Variants in SGCD observed in about 807,000 individuals in gnomAD.
SGCD encodes sarcoglycan delta, also known as delta-sarcoglycan.
In SGCD, 18 loss-of-function variants were observed where a neutral mutation model predicts 36.6. The observed-to-expected ratio is 0.49, with a 90% confidence interval of 0.34 to 0.73. The LOEUF (loss-of-function observed/expected upper bound fraction) is 0.73, where lower values mean the gene tolerates loss of function less well. Among genes scored for constraint, SGCD ranks in the 30% least tolerant of loss-of-function variants. The pLI is 0.01. For missense variants in SGCD, 387 were observed against 346.7 expected, an observed-to-expected ratio of 1.12 and a Z score of -0.92; for synonymous variants, 133 against 130.6, an observed-to-expected ratio of 1.02 and a Z score of -0.12.
intron 1 of SGCD, among the ~76,000 whole-genome samples, chr5:155,995,621 A>G (rs1042100344): frequency 3.9e-5 from 6 of 152,250 alleles, no homozygotes; most frequent in Non-Finnish European, 8.8e-5. Context: ...AATCAACCCG[A>G]TATCTATCAA....
intron 3 of SGCD, among the ~76,000 whole-genome samples, chr5:156,130,918 G>A (rs1408069467): frequency 6.6e-6 from 1 of 151,926 alleles, no homozygotes; most frequent in African/African-American, 2.4e-5. Context: ...TAGTAGAGAC[G>A]GGGTTTCACC....
intron 3 of SGCD, among the ~76,000 whole-genome samples, chr5:156,294,232 G>T (rs1021371735): frequency 9.3e-5 from 14 of 150,330 alleles, no homozygotes; most frequent in Non-Finnish European, 1.8e-4. Context: ...GAGATTTTTT[G>T]GTGGAATATT....
chr5:155,803,488 T>A, the SGCD span, among the ~76,000 whole-genome samples: 1 of 152,134 alleles, frequency 6.6e-6, no homozygotes. Flanking sequence ...CTCTGACTTC[T>A]CCTATACTCC....
chr5:156,001,480 T>G (rs892236593), intron 1 of SGCD, among the ~76,000 whole-genome samples: 1 of 152,230 alleles, frequency 6.6e-6, no homozygotes, highest in African/African-American at 2.4e-5. Context: ...TGCTCTCACG[T>G]TGTGGATAAC....
intron 3 of SGCD, among the ~76,000 whole-genome samples, chr5:156,124,182 T>C (rs1264999817): frequency 6.6e-6 from 1 of 152,150 alleles, no homozygotes; most frequent in East Asian, 1.9e-4. Context: ...CCATCACTTA[T>C]GGGATGTGTT....
intron 3 of SGCD, among the ~76,000 whole-genome samples, chr5:156,320,863 G>T (rs1767645463): frequency 6.6e-6 from 1 of 152,160 alleles, no homozygotes; most frequent in African/African-American, 2.4e-5. Flanking sequence ...AGATAATTTT[G>T]CCCTTGGCCA....
chr5:156,196,842 T>A (rs143349285), intron 3 of SGCD, among the ~76,000 whole-genome samples: 352 of 152,314 alleles, frequency 2.3e-3, no homozygotes, highest in African/African-American at 8.0e-3. Flanking sequence ...CACACTAAAC[T>A]ATGGCCAGAA....
At chr5:156,514,519 A>G (rs1757077099) in intron 4 of SGCD, among the ~76,000 whole-genome samples, 1 of 152,242 alleles carries the variant, frequency 6.6e-6, no homozygotes, top group African/African-American at 2.4e-5. Flanking sequence ...TTAGGAGAAT[A>G]AAGTGGAAAA....
chr5:156,631,993 T>C (rs774289378), intron 6 of SGCD, among the ~76,000 whole-genome samples: 32 of 152,188 alleles, frequency 2.1e-4, no homozygotes, highest in Admixed American at 5.2e-4. Context: ...TTCTAGTTTT[T>C]TAAAAATTTA....
At chr5:156,261,107 T>C (rs1270553954) in intron 3 of SGCD, among the ~76,000 whole-genome samples, 1 of 152,152 alleles carries the variant, frequency 6.6e-6, no homozygotes, top group Non-Finnish European at 1.5e-5. Context: ...CAAGCTGTGG[T>C]GTCTTTTCTT....
chr5:155,778,239 C>T, the SGCD span, among the ~76,000 whole-genome samples: 8 of 152,176 alleles, frequency 5.3e-5, no homozygotes, highest in Non-Finnish European at 1.2e-4. Flanking sequence ...TTGTGTCTTG[C>T]ATGGCTTAGT....
intron 1 of SGCD, among the ~76,000 whole-genome samples, chr5:156,061,040 T>G (rs1760192897): frequency 6.9e-6 from 1 of 145,586 alleles, no homozygotes; most frequent in African/African-American, 2.5e-5. Flanking sequence ...TATTCATTCC[T>G]GAAAATGGCA....
chr5:156,557,230 T>C (rs995321540), intron 4 of SGCD, among the ~76,000 whole-genome samples: 3 of 152,202 alleles, frequency 2.0e-5, no homozygotes, highest in African/African-American at 7.2e-5. Context: ...CAGCTGAAGA[T>C]GTTGAAGACT....
chr5:156,259,405 A>G (rs1266235313), intron 3 of SGCD, among the ~76,000 whole-genome samples: 8 of 151,762 alleles, frequency 5.3e-5, no homozygotes, highest in South Asian at 4.1e-4. Flanking sequence ...TCTGCTCTAT[A>G]GTTTGTCTAC....
At chr5:156,193,858 G>A (rs1351036495) in intron 3 of SGCD, among the ~76,000 whole-genome samples, 2 of 152,152 alleles carry the variant, frequency 1.3e-5, no homozygotes, top group Non-Finnish European at 2.9e-5. Context: ...GAGTTCAGAG[G>A]TTGATTCTGA....
chr5:156,201,801 T>C (rs1764158189), intron 3 of SGCD, among the ~76,000 whole-genome samples: 1 of 152,070 alleles, frequency 6.6e-6, no homozygotes, highest in African/African-American at 2.4e-5. Flanking sequence ...GGAGTTATTA[T>C]GACATTTGAA....
At chr5:156,393,184 A>G (rs1468122288) in intron 3 of SGCD, among the ~76,000 whole-genome samples, 1 of 152,192 alleles carries the variant, frequency 6.6e-6, no homozygotes, top group Non-Finnish European at 1.5e-5. Context: ...CAGGGACAGG[A>G]CGGACATGCT....
chr5:156,582,453 C>G (rs1162182755), intron 4 of SGCD, among the ~76,000 whole-genome samples: 1 of 152,170 alleles, frequency 6.6e-6, no homozygotes, highest in Non-Finnish European at 1.5e-5. Context: ...GATAAAACAT[C>G]TGCCTCTTTA....
At chr5:156,218,064 A>G (rs914561070) in intron 3 of SGCD, among the ~76,000 whole-genome samples, 6 of 152,160 alleles carry the variant, frequency 3.9e-5, no homozygotes, top group Non-Finnish European at 8.8e-5. Flanking sequence ...ATTTGAGGTC[A>G]GGAGTTTGAG....
Sources: allele counts gnomAD v4.1 joint callset (sites outside exome capture counted in the v4.1 genomes callset), GRCh38; gene constraint gnomAD v4.1.1; transcripts MANE v1.5; gene names NCBI Gene and HGNC (gene_info 2026-07-23, HGNC 2026-07-21).